HDAC4: variants seen among roughly 807,000 people sequenced by gnomAD.
HDAC4 encodes histone deacetylase A.
In HDAC4, 16 loss-of-function variants were observed where a neutral mutation model predicts 135.1. That is an observed-to-expected ratio of 0.12 (90% CI 0.08 to 0.18). HDAC4 has a LOEUF of 0.18. HDAC4 is among the 10% of genes least tolerant of loss of function. The probability of loss-of-function intolerance (pLI) is 1.00; values close to 1 mark genes in which losing one functional copy is unlikely to be tolerated. For synonymous variants in HDAC4, 685 were observed against 653.4 expected, an observed-to-expected ratio of 1.05 and a Z score of -0.74; for missense variants, 1,143 against 1,511.8, an observed-to-expected ratio of 0.76 and a Z score of 4.05.
chr2:239,330,436 C>T (rs778303180), intron 2 of HDAC4, among the ~76,000 whole-genome samples: 4 of 152,360 alleles, frequency 2.6e-5, no homozygotes, highest in Middle Eastern at 3.4e-3. Context: ...TGCAAGAGGG[C>T]GACAGGAAGG....
At chr2:239,103,263 C>T (rs1157150101) in intron 15 of HDAC4, among the ~76,000 whole-genome samples, 7 of 152,162 alleles carry the variant, frequency 4.6e-5, no homozygotes, top group Non-Finnish European at 7.3e-5. Context: ...AGCTCCCTCA[C>T]GTTCAAGGGA....
chr2:239,254,342 G>C (rs1276094334), intron 2 of HDAC4, among the ~76,000 whole-genome samples: 1 of 147,152 alleles, frequency 6.8e-6, no homozygotes, highest in Non-Finnish European at 1.5e-5. Context: ...GAATCGGCAA[G>C]AACAACAAAA....
At chr2:239,391,231 G>A (rs190800331) in intron 1 of HDAC4, among the ~76,000 whole-genome samples, 9 of 152,328 alleles carry the variant, frequency 5.9e-5, no homozygotes, top group Middle Eastern at 3.4e-3. Flanking sequence ...GACAGTGTCC[G>A]TGGGAAGCAT....
intron 2 of HDAC4, among the ~76,000 whole-genome samples, chr2:239,257,260 G>T (rs577232201): frequency 6.6e-6 from 1 of 151,442 alleles, no homozygotes; most frequent in Non-Finnish European, 1.5e-5. Context: ...AAGAAAAAAG[G>T]TGAAATAGGC....
chr2:239,073,767 C>T (rs1370649574), intron 22 of HDAC4, among the ~76,000 whole-genome samples: 1 of 152,248 alleles, frequency 6.6e-6, no homozygotes, highest in Non-Finnish European at 1.5e-5. Context: ...GCACTCCCGC[C>T]GCAGGGCTGG....
At position 239,128,526 on chromosome 2, in the gene HDAC4, C is replaced by CAA. The variant is rs34764817; in HGVS notation, c.1295-1834_1295-1833dup. ...CTGGGCGACAAACGAGACTCTGTCTCAAAAAAAAAATAAAAAAAAGAAGGC... is the reference window on the plus strand; with the variant it reads ...CTGGGCGACAAACGAGACTCTGTCTCAAAAAAAAAAAATAAAAAAAAGAAGGC... On this transcript the variant is annotated intron_variant, in intron 11 of 26. Coordinates refer to ENST00000543185, the MANE Select transcript of HDAC4 (RefSeq NM_001378414.1). Among the ~76,000 whole-genome samples, 347 of 147,668 alleles carry CAA rather than the reference C, an allele frequency of 2.3e-3. 8 individuals are homozygous for CAA. In the East Asian group the frequency reaches 0.044, roughly 19 times the overall value.
chr2:239,353,856 C>G (rs980898138), intron 1 of HDAC4, among the ~76,000 whole-genome samples: 3 of 152,230 alleles, frequency 2.0e-5, no homozygotes, highest in Admixed American at 6.5e-5. Flanking sequence ...ACGCTTGCAT[C>G]AGCCTGGATC....
chr2:239,095,044 G>C lies in HDAC4; in HGVS notation c.2246C>G (p.Ser749Cys). 3.1e-6 allele frequency: 5 copies of C among 1,613,822 alleles called. No individual in the cohort carries two copies. The highest frequency in any genetic ancestry group is 4.2e-6 in the Non-Finnish European group (5 of 1,180,008). The change falls in exon 17 of 27, where the codon TCC (serine) becomes TGC (cysteine). Residue 749 changes from serine (S) to cysteine (C), a missense_variant. Coordinates refer to ENST00000543185, the MANE Select transcript of HDAC4 (RefSeq NM_001378414.1). ...DSKKLLGSLA[S>C]VFVRLPCGGV... ...ACCGCAAGGGAGCCGGACGAACACGGAGGCGAGCGAGCCTGTGGGGGGGAG... is the reference window on the plus strand; with the variant it reads ...ACCGCAAGGGAGCCGGACGAACACGCAGGCGAGCGAGCCTGTGGGGGGGAG...
At chr2:239,106,889 G>GGTGGGT (rs2038189869) in intron 15 of HDAC4, among the ~76,000 whole-genome samples, 1 of 152,176 alleles carries the variant, frequency 6.6e-6, no homozygotes, top group Admixed American at 6.5e-5. Flanking sequence ...CTGTTGGAGG[G>GGTGGGT]GTGGGTGTGG....
chr2:239,233,966 C>A (rs3791623), intron 3 of HDAC4, among the ~76,000 whole-genome samples: 31,562 of 152,128 alleles, frequency 0.21, 5,282 homozygotes, highest in African/African-American at 0.44. Context: ...ACTGACATAA[C>A]ATATACCTAA....
intron 2 of HDAC4, among the ~76,000 whole-genome samples, chr2:239,261,790 C>CA: frequency 6.6e-6 from 1 of 152,212 alleles, no homozygotes; most frequent in East Asian, 1.9e-4. Flanking sequence ...GTTTCCAACT[C>CA]AAACCACCCC....
At chr2:239,387,009 G>A (rs762707545) in intron 1 of HDAC4, among the ~76,000 whole-genome samples, 2 of 152,272 alleles carry the variant, frequency 1.3e-5, no homozygotes, top group Non-Finnish European at 1.5e-5. Context: ...ACTCCAGTGC[G>A]TGAGCACGTG....
chr2:239,356,073 A>G (rs1414277963), intron 1 of HDAC4, among the ~76,000 whole-genome samples: 1 of 152,270 alleles, frequency 6.6e-6, no homozygotes, highest in Non-Finnish European at 1.5e-5. Flanking sequence ...GCAGTAGACT[A>G]TTCAAAACTA....
In HDAC4 at chr2:239,352,030, G is replaced by A. The variant is rs753219923; in HGVS notation, c.22+648C>T. Among the ~76,000 whole-genome samples the A allele has an allele frequency of 1.2e-4, 19 of 152,298 alleles. No homozygotes were observed. Among genetic ancestry groups the A allele is most frequent in the African/African-American group, 4.6e-4 (19 of 41,556 alleles). On this transcript the variant is annotated intron_variant, in intron 2 of 26. Transcript: ENST00000543185. The surrounding 1 kb of genome is among the most constrained non-coding windows in gnomAD (Gnocchi z 4.4). Reference sequence around the variant, plus strand: ...TTCCAAGGACAGAAAGTGTGAAGTCGTAAATGGATGGGCCCATGACATGCT... The same window carrying A: ...TTCCAAGGACAGAAAGTGTGAAGTCATAAATGGATGGGCCCATGACATGCT...
In HDAC4 at chr2:239,095,052, C is replaced by A. The variant is rs749527611; in HGVS notation, c.2238G>T (p.Ser746=). 6.2e-7 allele frequency: 1 copy of A among 1,613,428 alleles called. No homozygotes were observed. The highest frequency in any genetic ancestry group is 1.1e-5 in the South Asian group (1 of 91,090). Residue 746 remains serine, a synonymous_variant, in exon 17 of 27, where the codon TCG becomes TCT. Coordinates refer to ENST00000543185, the MANE Select transcript of HDAC4 (RefSeq NM_001378414.1). ...GGAGCCGGACGAACACGGAGGCGAGCGAGCCTGTGGGGGGGAGGGAGACGG... is the reference window on the plus strand; with the variant it reads ...GGAGCCGGACGAACACGGAGGCGAGAGAGCCTGTGGGGGGGAGGGAGACGG... ...QKLDSKKLLG[S]LASVFVRLPC...
chr2:239,260,076 C>T (rs1435852738), intron 2 of HDAC4, among the ~76,000 whole-genome samples: 1 of 152,246 alleles, frequency 6.6e-6, no homozygotes, highest in Non-Finnish European at 1.5e-5. Context: ...AACTGCATGC[C>T]AGGCCGCCAC....
At chr2:239,070,820 G>A (rs1308351933) in intron 22 of HDAC4, among the ~76,000 whole-genome samples, 3 of 152,004 alleles carry the variant, frequency 2.0e-5, no homozygotes, top group Non-Finnish European at 4.4e-5. Flanking sequence ...TATTTCTCAA[G>A]CTCCATCAAG....
At chr2:239,369,572 T>C (rs1376554292) in intron 1 of HDAC4, among the ~76,000 whole-genome samples, 1 of 152,238 alleles carries the variant, frequency 6.6e-6, no homozygotes, top group African/African-American at 2.4e-5. Flanking sequence ...GCTATTTCTA[T>C]TTTAAAATAA....
Position 239,134,380 on chromosome 2 carries a change from G to C in HDAC4, c.1159C>G (p.Leu387Val). 1.2e-6 allele frequency: 2 copies of C among 1,613,998 alleles called. No individual in the cohort carries two copies. Among genetic ancestry groups the C allele is most frequent in the Non-Finnish European group, 1.7e-6 (2 of 1,179,994 alleles). ...TLPALQQRLS[L>V]FPGTHLTPYL... ...GGAGTGAGGTGGGTGCCGGGGAAAA[G>C]GGAGAGCCTCTGCTGGAGGGCGGGA... The change falls in exon 11 of 27, where the codon CTT becomes GTT. Residue 387 changes from leucine (L) to valine (V), a missense_variant. Leu to Val is a conservative substitution (Grantham distance 32). Coordinates refer to ENST00000543185, the MANE Select transcript of HDAC4 (RefSeq NM_001378414.1).
Sources: gnomAD v4.1 joint callset for allele counts (sites outside exome capture counted in the v4.1 genomes callset) on GRCh38, gnomAD v4.1.1 for gene constraint, Gnocchi (gnomAD v3.1) non-coding constraint, MANE v1.5 for transcripts, NCBI Gene and HGNC (gene_info 2026-07-23, HGNC 2026-07-21) for gene names.